CLCN7: variants seen among roughly 807,000 people sequenced by gnomAD.
CLCN7 encodes the protein Cl-/H+ antiporter 7.
A neutral mutation model predicts 102.1 loss-of-function variants in CLCN7; 60 were observed. The observed-to-expected ratio is 0.59, with a 90% CI of 0.48 to 0.73. CLCN7 has a LOEUF of 0.73. Ranked by LOEUF, CLCN7 falls within the 30% of genes least tolerant of loss-of-function variation. The pLI, the probability that CLCN7 is intolerant of heterozygous loss-of-function variation, is 0.00. For missense variants in CLCN7, 962 were observed against 1,125.7 expected, an observed-to-expected ratio of 0.85 and a Z score of 2.08; for synonymous variants, 560 against 490.5, an observed-to-expected ratio of 1.14 and a Z score of -1.87.
chr16:1,467,796 T>A (rs962082637), intron 1 of CLCN7: 2 of 152,264 alleles, frequency 1.3e-5, no homozygotes, highest in Admixed American at 6.5e-5. Flanking sequence ...AAATAACGGA[T>A]CATTCTGGCC....
intron 1 of CLCN7, chr16:1,466,722 G>A (rs575478866): frequency 3.9e-5 from 6 of 152,102 alleles, no homozygotes; most frequent in African/African-American, 1.4e-4. Context: ...AGAGGCTGAG[G>A]CGGGCAAATC....
rs2038855406 is a variant in CLCN7 at position 1,457,552 on chromosome 16, G to C, written c.738+142C>G. 2.9e-6 allele frequency: 2 copies of C among 694,346 alleles called. No individual in the cohort carries two copies. Among genetic ancestry groups the C allele is most frequent in the South Asian group, 1.5e-5 (1 of 65,828 alleles). The allele number at this position is 694,346 out of a possible 1,614,324, so 43.0% of individuals were successfully genotyped here. ...CGCGGCCCTTCCTGGAGACCAGAAG[G>C]ACCGGTGCTCAGAGACACGCGTGAC... On this transcript the variant is annotated intron_variant, in intron 8 of 24. Coordinates refer to ENST00000382745, the MANE Select transcript of CLCN7 (RefSeq NM_001287.6). The surrounding 1 kb of genome is among the most constrained non-coding windows in gnomAD (Gnocchi z 5.4).
At chr16:1,454,598 CG>C in intron 12 of CLCN7, 133 bp from the exon 13 acceptor site, 3 of 869,164 alleles carry the variant, frequency 3.5e-6, no homozygotes, top group South Asian at 1.4e-5. Context: ...ACGCAGGCTG[CG>C]GAAGTCCACA....
At chr16:1,451,109 T>C (rs1334091735) in intron 16 of CLCN7, among the ~76,000 whole-genome samples, 1 of 152,130 alleles carries the variant, frequency 6.6e-6, no homozygotes, top group Non-Finnish European at 1.5e-5. Flanking sequence ...ACTGCAGAGG[T>C]GAAAGGCCGG....
rs368348780 is a variant in CLCN7, at chr16:1,446,363, T to C, written c.*268A>G. On this transcript the variant is annotated 3_prime_UTR_variant, in exon 25 of 25. Transcript: ENST00000382745. The stretch of plus-strand genomic sequence containing the variant: ...GGTAGGGAGGTCACACACACACAGC[T>C]GATCCCTGGAGGTAAAGAAACCTAG... 1.4e-6 allele frequency: 1 copy of C among 702,188 alleles called. No homozygotes were observed. The highest frequency in any genetic ancestry group is 2.6e-6 in the Non-Finnish European group (1 of 384,730). 43.5% of individuals were successfully genotyped at this position (702,188 alleles called of 1,614,324 possible). A position where few individuals can be genotyped will look rare whatever the true frequency, so the allele number is the denominator to read the frequency against.
intron 17 of CLCN7, chr16:1,450,245 G>C (rs993965673): frequency 5.3e-6 from 3 of 562,430 alleles, no homozygotes; most frequent in African/African-American, 1.9e-5. Context: ...CAAGAATAAG[G>C]ACACGAGCCT....
At position 1,453,812 on chromosome 16, in the gene CLCN7, A is replaced by T. The variant is rs748531616; in HGVS notation, c.1214+22T>A. The T allele has an allele frequency of 1.2e-5, 20 of 1,612,296 alleles. No homozygotes were observed. The African/African-American group carries it at 2.0e-4, about 16-fold the overall frequency. On this transcript the variant is annotated intron_variant, in intron 14 of 24. Transcript: ENST00000382745. ...GTGTGGCCACGCCTGCCAACGCGAT[A>T]TGCAATGCGGTTTCTCCTCACCTGA...
intron 1 of CLCN7, among the ~76,000 whole-genome samples, chr16:1,473,485 T>A (rs185442904): frequency 0.062 from 9,023 of 144,952 alleles, 322 homozygotes; most frequent in Non-Finnish European, 0.088. Flanking sequence ...TTGATTCTCC[T>A]GCCTCAGCCT....
rs140066822 is a variant in CLCN7 at position 1,445,264 on chromosome 16, G to T, written c.*1367C>A. Reference sequence around the variant, plus strand: ...CCTTTCTCACTCCACACGGTGCCCCGACCCCAGGGTCCCGAAAGTCCCAGG... The same window carrying T: ...CCTTTCTCACTCCACACGGTGCCCCTACCCCAGGGTCCCGAAAGTCCCAGG... On this transcript the variant is annotated 3_prime_UTR_variant, in exon 25 of 25. Transcript: ENST00000382745. The T allele has an allele frequency of 7.0e-6, 1 of 142,046 alleles. No individual in the cohort carries two copies. Among genetic ancestry groups the T allele is most frequent in the Non-Finnish European group, 1.6e-5 (1 of 64,480 alleles). The allele number at this position is 142,046 out of a possible 1,614,324, so 8.8% of individuals were successfully genotyped here. A position where few individuals can be genotyped will look rare whatever the true frequency, so the allele number is the denominator to read the frequency against.
In CLCN7 at chr16:1,445,074, G is replaced by C. The variant is rs1049378395; in HGVS notation, c.*1557C>G. The C allele has an allele frequency of 4.6e-5, 7 of 152,254 alleles. No homozygotes were observed. The highest frequency in any genetic ancestry group is 7.3e-5 in the Non-Finnish European group (5 of 68,088). 9.4% of individuals were successfully genotyped at this position (152,254 alleles called of 1,614,324 possible). A position where few individuals can be genotyped will look rare whatever the true frequency, so the allele number is the denominator to read the frequency against. On this transcript the variant is annotated 3_prime_UTR_variant, in exon 25 of 25. Coordinates refer to ENST00000382745, the MANE Select transcript of CLCN7 (RefSeq NM_001287.6). Reference sequence around the variant, plus strand: ...TCTGAGGCCCGGGAGTTTTCTTCTTGCGTCACCCCAGCGTGGGCACCCCGG... The same window carrying C: ...TCTGAGGCCCGGGAGTTTTCTTCTTCCGTCACCCCAGCGTGGGCACCCCGG...
chr16:1,452,586 CCT>C, intron 15 of CLCN7, 167 bp downstream of exon 15: 1 of 698,312 alleles, frequency 1.4e-6, no homozygotes, highest in Non-Finnish European at 2.4e-6. Flanking sequence ...CACCTGGCCT[CCT>C]CTGAGATCTG....
At chr16:1,460,554 G>C (rs771052993) in intron 5 of CLCN7, 27 bp from the exon 6 acceptor site, 3 of 1,573,698 alleles carry the variant, frequency 1.9e-6, no homozygotes, top group South Asian at 1.1e-5. Context: ...AGGGCTGGCT[G>C]CTTCCCCGTC....
intron 2 of CLCN7, among the ~76,000 whole-genome samples, chr16:1,464,757 G>T (rs2038981979): frequency 2.0e-5 from 3 of 152,180 alleles, no homozygotes; most frequent in Admixed American, 6.5e-5. Context: ...ATGAGTGAAC[G>T]GCCAGCGGCA....
In CLCN7 at chr16:1,451,975, G is replaced by A. The variant is rs558952535; in HGVS notation, c.1354-259C>T. ...AGGGGGCCGTGTCTAGCCCTGGGGG[G>A]TGGGTTAGCAGGACCATGGGCTGAG... On this transcript the variant is annotated intron_variant, in intron 15 of 24. Coordinates refer to ENST00000382745, the MANE Select transcript of CLCN7 (RefSeq NM_001287.6). 2.5e-5 allele frequency: 12 copies of A among 477,364 alleles called. No individual in the cohort carries two copies. The Admixed American group carries it at 3.5e-4, about 14-fold the overall frequency. 29.6% of individuals were successfully genotyped at this position (477,364 alleles called of 1,614,324 possible).
rs2039131598 is a variant in CLCN7 at position 1,474,971 on chromosome 16, C to T, written c.4G>A (p.Ala2Thr). The T allele has an allele frequency of 2.0e-6, 3 of 1,481,360 alleles. No homozygotes were observed. The highest frequency in any genetic ancestry group is 1.5e-5 in the African/African-American group (1 of 68,618). 91.8% of individuals were successfully genotyped at this position (1,481,360 alleles called of 1,614,324 possible). A position where few individuals can be genotyped will look rare whatever the true frequency, so the allele number is the denominator to read the frequency against. Residue 2 changes from alanine (A) to threonine (T), a missense_variant, in exon 1 of 25, where the codon GCC becomes ACC. Coordinates refer to ENST00000382745, the MANE Select transcript of CLCN7 (RefSeq NM_001287.6). M[A>T]NVSKKVSWSG... ...CAGGACACCTTCTTAGAGACGTTGG[C>T]CATGGCCCGCCGCGGAGCGACACCG...
At position 1,461,748 on chromosome 16, in the gene CLCN7, C is replaced by T. The variant is rs2038941565; in HGVS notation, c.214-74G>A. The T allele has an allele frequency of 3.2e-6, 4 of 1,260,064 alleles. No homozygotes were observed. In the African/African-American group the frequency reaches 4.4e-5, roughly 14 times the overall value. 78.1% of individuals were successfully genotyped at this position (1,260,064 alleles called of 1,614,324 possible). On this transcript the variant is annotated intron_variant, in intron 2 of 24. Coordinates refer to ENST00000382745, the MANE Select transcript of CLCN7 (RefSeq NM_001287.6). ...GGAGAGAGGCCCCTCTCAGCTCACACACGAGGCCATTATCATCCCGACACC... is the reference window on the plus strand; with the variant it reads ...GGAGAGAGGCCCCTCTCAGCTCACATACGAGGCCATTATCATCCCGACACC...
At chr16:1,452,626 C>T (rs2038769111) in intron 15 of CLCN7, 129 bp downstream of exon 15, 5 of 978,248 alleles carry the variant, frequency 5.1e-6, no homozygotes, top group Non-Finnish European at 6.0e-6. Context: ...CTCTTTGAGA[C>T]ACGCCAGCCC....
At position 1,448,675 on chromosome 16, in the gene CLCN7, C is replaced by T. The variant is rs2038693543; in HGVS notation, c.1883+6G>A. 4 of 1,612,626 alleles carry T rather than the reference C, an allele frequency of 2.5e-6. No homozygotes were observed. Among genetic ancestry groups the T allele is most frequent in the Non-Finnish European group, 3.4e-6 (4 of 1,179,956 alleles). On this transcript the variant is annotated splice_donor_region_variant and intron_variant, in intron 20 of 24. Transcript: ENST00000382745. ...TCCCCACCCACAGGTGTCCTGGGCG[C>T]TGTACCTGGCAGTGAGTGAGTGTGA...
Position 1,457,227 on chromosome 16 carries a change from G to A in CLCN7, c.822+27C>T. The A allele has an allele frequency of 6.2e-7, 1 of 1,603,814 alleles. No individual in the cohort carries two copies. Among genetic ancestry groups the A allele is most frequent in the Non-Finnish European group, 8.5e-7 (1 of 1,170,866 alleles). On this transcript the variant is annotated intron_variant, in intron 9 of 24. Coordinates refer to ENST00000382745, the MANE Select transcript of CLCN7 (RefSeq NM_001287.6). This position sits in a 1 kb window ranked among gnomAD's most constrained non-coding sequence, Gnocchi z 5.4. ...CGTGCCCGTGCCCATGGCATCTGGA[G>A]CCCACCCACACAAGATTTCAACTCA... is the stretch of plus-strand genomic sequence containing the variant.
Sources: allele counts gnomAD v4.1 joint callset (sites outside exome capture counted in the v4.1 genomes callset), GRCh38; gene constraint gnomAD v4.1.1; non-coding constraint Gnocchi (gnomAD v3.1); transcripts MANE v1.5; gene names NCBI Gene and HGNC (gene_info 2026-07-23, HGNC 2026-07-21).